TEAD1: variants seen among roughly 807,000 people sequenced by gnomAD.
TEAD1 encodes the protein transcriptional enhancer factor TEF-1.
In TEAD1, 9 loss-of-function variants were observed where a neutral mutation model predicts 54.9. That is an observed-to-expected ratio of 0.16 (90% CI 0.10 to 0.29). The LOEUF (loss-of-function observed/expected upper bound fraction) is 0.29. TEAD1 is among the 10% of genes least tolerant of loss of function. The pLI, the probability that TEAD1 is intolerant of heterozygous loss-of-function variation, is 1.00. For missense variants in TEAD1, 387 were observed against 535.9 expected, an observed-to-expected ratio of 0.72 and a Z score of 2.74; for synonymous variants, 200 against 187.8, an observed-to-expected ratio of 1.07 and a Z score of -0.53.
At chr11:12,760,893 A>T (rs1414180182) in intron 2 of TEAD1, among the ~76,000 whole-genome samples, 2 of 152,126 alleles carry the variant, frequency 1.3e-5, no homozygotes, top group African/African-American at 4.8e-5. Flanking sequence ...TGTGTTAGGA[A>T]ATTCTCTGCC....
intron 3 of TEAD1, among the ~76,000 whole-genome samples, chr11:12,857,659 C>T (rs1474969004): frequency 1.3e-5 from 2 of 150,518 alleles, no homozygotes; most frequent in African/African-American, 4.9e-5. Context: ...AGCTTGGAGA[C>T]CCACTTTCAG....
chr11:12,746,217 T>A (rs1944742972), intron 2 of TEAD1, among the ~76,000 whole-genome samples: 2 of 152,266 alleles, frequency 1.3e-5, no homozygotes, highest in Admixed American at 1.3e-4. Flanking sequence ...GATTTCATTT[T>A]AGGGAAGAAG....
At chr11:12,929,322 A>G (rs1948970217) in intron 11 of TEAD1, among the ~76,000 whole-genome samples, 1 of 151,968 alleles carries the variant, frequency 6.6e-6, no homozygotes, top group Admixed American at 6.6e-5. Flanking sequence ...TTGTCTGTCT[A>G]AAGGACCAGT....
intron 2 of TEAD1, among the ~76,000 whole-genome samples, chr11:12,677,862 A>G (rs184085024): frequency 1.3e-5 from 2 of 152,018 alleles, no homozygotes; most frequent in Admixed American, 6.5e-5. Flanking sequence ...TTGTGGGATT[A>G]CTTTTCTCTC....
At position 12,944,258 on chromosome 11, in the gene TEAD1, A is replaced by C. The variant is rs925931555; in HGVS notation, c.*7036A>C. 7 of 152,510 alleles carry C rather than the reference A, an allele frequency of 4.6e-5. No homozygotes were observed. Among genetic ancestry groups the C allele is most frequent in the Admixed American group, 3.9e-4 (6 of 15,264 alleles). 9.4% of individuals were successfully genotyped at this position (152,510 alleles called of 1,614,324 possible). A position where few individuals can be genotyped will look rare whatever the true frequency, so the allele number is the denominator to read the frequency against. ...TGGGGGTGGGCGTGGGCAAATTCTC[A>C]CACATGTTTTCTTAACCTATTTGCA... On this transcript the variant is annotated 3_prime_UTR_variant, in exon 13 of 13. Coordinates refer to ENST00000527636, the MANE Select transcript of TEAD1 (RefSeq NM_021961.6).
intron 2 of TEAD1, among the ~76,000 whole-genome samples, chr11:12,718,526 G>A (rs1944112385): frequency 6.6e-6 from 1 of 151,792 alleles, no homozygotes; most frequent in Non-Finnish European, 1.5e-5. Flanking sequence ...CAAGGGTTTT[G>A]AAACAATATT....
chr11:12,770,144 A>G (rs1253843045), intron 3 of TEAD1, among the ~76,000 whole-genome samples: 1 of 152,250 alleles, frequency 6.6e-6, no homozygotes, highest in Non-Finnish European at 1.5e-5. Flanking sequence ...TGCTCAGAAC[A>G]GATGAGTAAT....
intron 9 of TEAD1, among the ~76,000 whole-genome samples, chr11:12,901,012 CTG>C (rs1444003999): frequency 1.3e-5 from 2 of 152,156 alleles, no homozygotes; most frequent in African/African-American, 4.8e-5. Flanking sequence ...TCAAATTTGG[CTG>C]TGTATTGGAA....
intron 2 of TEAD1, among the ~76,000 whole-genome samples, chr11:12,748,377 G>A (rs1037644301): frequency 1.3e-5 from 2 of 152,208 alleles, no homozygotes; most frequent in Non-Finnish European, 2.9e-5. Context: ...AGTGGAGTAG[G>A]TGGCCGGCTG....
At chr11:12,697,838 C>T (rs1943618454) in intron 2 of TEAD1, among the ~76,000 whole-genome samples, 1 of 152,142 alleles carries the variant, frequency 6.6e-6, no homozygotes, top group Non-Finnish European at 1.5e-5. Flanking sequence ...GCCTGATCAA[C>T]ATGATGAAAC....
intron 2 of TEAD1, among the ~76,000 whole-genome samples, chr11:12,745,177 T>A (rs185912161): frequency 6.6e-6 from 1 of 152,258 alleles, no homozygotes; most frequent in Non-Finnish European, 1.5e-5. Context: ...CAAAGAGAGC[T>A]GGGATAATAA....
chr11:12,770,220 T>C (rs1303686663), intron 3 of TEAD1, among the ~76,000 whole-genome samples: 1 of 152,172 alleles, frequency 6.6e-6, no homozygotes, highest in Non-Finnish European at 1.5e-5. Flanking sequence ...GCATTTTGAT[T>C]GGGAAGCTTA....
At chr11:12,724,796 C>G in intron 2 of TEAD1, among the ~76,000 whole-genome samples, 1 of 152,178 alleles carries the variant, frequency 6.6e-6, no homozygotes, top group Non-Finnish European at 1.5e-5. Flanking sequence ...CCCCTCCTTT[C>G]CTTGGAAGGC....
At chr11:12,787,036 C>T (rs1039174950) in intron 3 of TEAD1, among the ~76,000 whole-genome samples, 2 of 152,166 alleles carry the variant, frequency 1.3e-5, no homozygotes, top group African/African-American at 4.8e-5. Context: ...GAGCTCAGAT[C>T]TTGCAAAGCC....
intron 2 of TEAD1, among the ~76,000 whole-genome samples, chr11:12,739,502 C>G (rs192452857): frequency 6.6e-6 from 1 of 152,114 alleles, no homozygotes; most frequent in East Asian, 1.9e-4. Context: ...TTTGACTACT[C>G]TAGGTACCGC....
chr11:12,679,357 A>G (rs1272185865), intron 2 of TEAD1, among the ~76,000 whole-genome samples: 1 of 152,200 alleles, frequency 6.6e-6, no homozygotes, highest in Non-Finnish European at 1.5e-5. Context: ...ATTTGCAGGC[A>G]TGGGACCCTG....
chr11:12,686,202 T>C (rs1309803249), intron 2 of TEAD1, among the ~76,000 whole-genome samples: 1 of 152,216 alleles, frequency 6.6e-6, no homozygotes, highest in Non-Finnish European at 1.5e-5. Context: ...CCTATGGTAC[T>C]AATAGGAAAT....
At chr11:12,684,530 G>A (rs930525114) in intron 2 of TEAD1, among the ~76,000 whole-genome samples, 1 of 152,106 alleles carries the variant, frequency 6.6e-6, no homozygotes, top group Admixed American at 6.5e-5. Context: ...TCAGCTTCAG[G>A]TGCGGAGAAG....
At chr11:12,707,028 G>A (rs1390699146) in intron 2 of TEAD1, among the ~76,000 whole-genome samples, 2 of 150,968 alleles carry the variant, frequency 1.3e-5, no homozygotes, top group Non-Finnish European at 2.9e-5. Flanking sequence ...TAGGAGAAGA[G>A]TTCCAGTTTG....
Sources: allele counts gnomAD v4.1 joint callset (sites outside exome capture counted in the v4.1 genomes callset), GRCh38; gene constraint gnomAD v4.1.1; transcripts MANE v1.5; gene names NCBI Gene and HGNC (gene_info 2026-07-23, HGNC 2026-07-21).